Variants in GAB3 observed in about 807,000 individuals in gnomAD.
GAB3 encodes GRB2 associated binding protein 3, also known as GRB2-associated-binding protein 3.
Under a neutral mutation model 40.4 loss-of-function variants are expected in GAB3, and 12 were observed. The observed-to-expected ratio is 0.30, with a 90% CI of 0.19 to 0.48. The LOEUF (loss-of-function observed/expected upper bound fraction) is 0.48. Among genes scored for constraint, GAB3 ranks in the 20% least tolerant of loss-of-function variants. GAB3 has a pLI of 0.99. For synonymous variants in GAB3, 154 were observed against 176.7 expected, an observed-to-expected ratio of 0.87 and a Z score of 1.02; for missense variants, 381 against 461.9, an observed-to-expected ratio of 0.82 and a Z score of 1.61.
At chrX:154,722,913 T>C (rs1419027114) in intron 1 of GAB3, among the ~76,000 whole-genome samples, 11 of 111,509 alleles carry the variant, frequency 9.9e-5, no homozygotes, top group African/African-American at 3.6e-4. Flanking sequence ...TTTTTTGCTC[T>C]TGTCGCCCAG....
intron 1 of GAB3, among the ~76,000 whole-genome samples, chrX:154,737,826 C>T (rs1484145416): frequency 9.0e-6 from 1 of 111,219 alleles, no homozygotes; most frequent in Non-Finnish European, 1.9e-5. Flanking sequence ...CCCGTCTCTA[C>T]TAAAAATACA....
chrX:154,678,443 C>T (rs1331393530), intron 9 of GAB3, 149 bp from the exon 10 acceptor site: 16 of 425,860 alleles, frequency 3.8e-5, no homozygotes, highest in Middle Eastern at 6.3e-4. Flanking sequence ...TGTGTGTGCA[C>T]GCACGTGCTT....
chrX:154,694,689 A>G (rs1002638298), intron 8 of GAB3, among the ~76,000 whole-genome samples: 3 of 112,419 alleles, frequency 2.7e-5, no homozygotes, highest in Non-Finnish European at 5.6e-5. Flanking sequence ...CACCGCGCCC[A>G]GCCAACACTG....
chrX:154,703,951 G>A (rs1557252968), intron 4 of GAB3, among the ~76,000 whole-genome samples: 1 of 112,027 alleles, frequency 8.9e-6, no homozygotes, highest in Non-Finnish European at 1.9e-5. Context: ...TATGTTTGCT[G>A]CAGCAGTATT....
chrX:154,719,640 C>T (rs1413150844), intron 1 of GAB3, among the ~76,000 whole-genome samples: 1 of 112,277 alleles, frequency 8.9e-6, no homozygotes, highest in African/African-American at 3.2e-5. Flanking sequence ...CATGCAAAAT[C>T]GCCAGTGTGT....
chrX:154,711,847 A>G (rs2070953365), intron 4 of GAB3, among the ~76,000 whole-genome samples: 1 of 112,384 alleles, frequency 8.9e-6, no homozygotes, highest in African/African-American at 3.2e-5. Flanking sequence ...CACATGGGCA[A>G]GGACTTGCAT....
At chrX:154,741,742 G>A (rs1386927182) in intron 1 of GAB3, among the ~76,000 whole-genome samples, 2 of 110,349 alleles carry the variant, frequency 1.8e-5, no homozygotes, top group Non-Finnish European at 3.8e-5. Flanking sequence ...CACATTGCTG[G>A]GGAGGCCTCA....
At position 154,683,123 on chromosome X, in the gene GAB3, G is replaced by C. The variant is rs182556228; in HGVS notation, c.1531-2875C>G. Among the ~76,000 whole-genome samples, 3 of 112,073 alleles carry C rather than the reference G, an allele frequency of 2.7e-5. No homozygotes were observed. The Admixed American group carries it at 2.8e-4, about 11-fold the overall frequency. ...ATCACTGACTGTTGCTTATACTTAC[G>C]AGCGAAAGACCAAAAAGCTAACGTG... On this transcript the variant is annotated intron_variant, in intron 8 of 9. Transcript: ENST00000424127.
intron 1 of GAB3, among the ~76,000 whole-genome samples, chrX:154,731,971 G>A (rs984165280): frequency 8.9e-6 from 1 of 112,093 alleles, no homozygotes; most frequent in Non-Finnish European, 1.9e-5. Flanking sequence ...GGGCAAGAGC[G>A]AATATGTAGC....
intron 2 of GAB3, among the ~76,000 whole-genome samples, chrX:154,714,674 G>T (rs983329643): frequency 8.9e-6 from 1 of 112,028 alleles, no homozygotes; most frequent in Admixed American, 9.4e-5. Flanking sequence ...ACTCATTCCT[G>T]GTGCTCTTGG....
intron 4 of GAB3, among the ~76,000 whole-genome samples, chrX:154,709,903 G>A (rs1262119600): frequency 9.0e-6 from 1 of 111,712 alleles, no homozygotes; most frequent in Non-Finnish European, 1.9e-5. Flanking sequence ...TCAAACTCAT[G>A]GCAATAGTAA....
At chrX:154,704,039 C>T (rs1435123858) in intron 4 of GAB3, among the ~76,000 whole-genome samples, 2 of 111,576 alleles carry the variant, frequency 1.8e-5, no homozygotes, top group Non-Finnish European at 3.8e-5. Context: ...TACATATATA[C>T]GATAGAGTAC....
chrX:154,721,955 T>C (rs1485958972), intron 1 of GAB3, among the ~76,000 whole-genome samples: 1 of 111,745 alleles, frequency 8.9e-6, no homozygotes, highest in Non-Finnish European at 1.9e-5. Context: ...GAAATCACCC[T>C]CTCATAAAGA....
intron 1 of GAB3, among the ~76,000 whole-genome samples, chrX:154,739,870 G>C (rs1252620300): frequency 8.9e-6 from 1 of 112,024 alleles, no homozygotes; most frequent in Non-Finnish European, 1.9e-5. Context: ...TTAAGATTTA[G>C]GTTACATTTA....
Position 154,692,821 on chromosome X carries a change from G to C in GAB3, c.1530+3096C>G, listed in dbSNP as rs782381834. Among the ~76,000 whole-genome samples, 201 of 111,986 alleles carry C rather than the reference G, an allele frequency of 1.8e-3. 1 individual carries two copies. The highest frequency in any genetic ancestry group is 5.8e-3 in the African/African-American group (178 of 30,851). ...AAGATAAATAAAAATTGTTAGTGAG[G>C]ATGTGGAGAAATTGGAACCCTTGTG... On this transcript the variant is annotated intron_variant, in intron 8 of 9. Transcript: ENST00000424127.
chrX:154,684,886 T>C lies in GAB3; in HGVS notation c.1531-4638A>G, dbSNP rs2070425343. ...CCCTTGACATATTGCCTCTCTCCTA[T>C]GGTTCTATAATCTTCTTCAGCAACT... On this transcript the variant is annotated intron_variant, in intron 8 of 9. Coordinates refer to ENST00000424127, the MANE Select transcript of GAB3 (RefSeq NM_001081573.3). Among the ~76,000 whole-genome samples, 4 of 111,889 alleles carry C rather than the reference T, an allele frequency of 3.6e-5. No individual in the cohort carries two copies. In the South Asian group the frequency reaches 1.5e-3, roughly 41 times the overall value.
chrX:154,694,407 G>A (rs1238324433), intron 8 of GAB3, among the ~76,000 whole-genome samples: 2 of 104,214 alleles, frequency 1.9e-5, no homozygotes, highest in African/African-American at 7.3e-5. Context: ...TTTTTTTTGA[G>A]ACAGAGTCTG....
intron 4 of GAB3, among the ~76,000 whole-genome samples, chrX:154,711,740 G>C (rs1297836522): frequency 6.2e-5 from 7 of 112,073 alleles, no homozygotes; most frequent in Admixed American, 4.7e-4. Flanking sequence ...AAGGGAATGG[G>C]ACTGAGTTAA....
chrX:154,741,553 G>A (rs906651991), intron 1 of GAB3, among the ~76,000 whole-genome samples: 9 of 108,508 alleles, frequency 8.3e-5, no homozygotes, highest in Non-Finnish European at 1.1e-4. Context: ...GCAGGCGCCT[G>A]TAATCCCAGC....
Sources: gnomAD v4.1 joint callset for allele counts (sites outside exome capture counted in the v4.1 genomes callset) on GRCh38, gnomAD v4.1.1 for gene constraint, MANE v1.5 for transcripts, NCBI Gene and HGNC (gene_info 2026-07-23, HGNC 2026-07-21) for gene names.